Variants in LIMS1 observed in about 807,000 individuals in gnomAD.
The protein encoded by LIMS1 is LIM and senescent cell antigen-like-containing domain protein 1.
A neutral mutation model predicts 44.1 loss-of-function variants in LIMS1; 18 were observed. The observed-to-expected ratio is 0.41, with a 90% CI of 0.28 to 0.61. The LOEUF (loss-of-function observed/expected upper bound fraction) is 0.61. LIMS1 is among the 20% of genes least tolerant of loss of function. LIMS1 has a pLI of 0.32. For missense variants in LIMS1, 201 were observed against 422.0 expected (o/e 0.48, Z 4.59); for synonymous variants, 93 against 149.1 (o/e 0.62, Z 2.74).
chr2:108,601,814 G>A lies in LIMS1; in HGVS notation c.33-57791G>A, dbSNP rs554647489. Among the ~76,000 whole-genome samples the A allele has an allele frequency of 3.3e-5, 5 of 152,314 alleles. No individual in the cohort carries two copies. The South Asian group carries it at 1.0e-3, about 32-fold the overall frequency. ...TTATAGGTGTGAGCCACTGCACCCAGCCTAGAATTGTTTATTCTATTTCTG... is the reference window on the plus strand; with the variant it reads ...TTATAGGTGTGAGCCACTGCACCCAACCTAGAATTGTTTATTCTATTTCTG... On this transcript the variant is annotated intron_variant, in intron 1 of 9. Transcript: ENST00000544547.
In LIMS1 at chr2:108,676,055, C is replaced by G. The variant is rs774019872; in HGVS notation, c.681+27C>G. 2.5e-6 allele frequency: 4 copies of G among 1,592,550 alleles called. No individual in the cohort carries two copies. In the South Asian group the frequency reaches 4.5e-5, roughly 18 times the overall value. On this transcript the variant is annotated intron_variant, in intron 6 of 9. Transcript: ENST00000544547. Reference sequence around the variant, plus strand: ...TGAGTTCTAAATGGCAAAGGGTAACCAATCCTTTCAAATCTCCATGATTAA... The same window carrying G: ...TGAGTTCTAAATGGCAAAGGGTAACGAATCCTTTCAAATCTCCATGATTAA...
At chr2:108,586,830 C>G (rs1384475390) in intron 1 of LIMS1, among the ~76,000 whole-genome samples, 1 of 152,158 alleles carries the variant, frequency 6.6e-6, no homozygotes, top group African/African-American at 2.4e-5. Context: ...GGTTTATGTC[C>G]ATGACATAGG....
intron 1 of LIMS1, among the ~76,000 whole-genome samples, chr2:108,573,053 G>C (rs1227220703): frequency 6.6e-6 from 1 of 152,162 alleles, no homozygotes; most frequent in African/African-American, 2.4e-5. Flanking sequence ...CTATTGTTAA[G>C]TGACACTTCT....
intron 1 of LIMS1, among the ~76,000 whole-genome samples, chr2:108,623,515 C>A (rs796740607): frequency 6.6e-6 from 1 of 152,084 alleles, no homozygotes; most frequent in African/African-American, 2.4e-5. Flanking sequence ...TGTTATCTTG[C>A]GAATAGTGCC....
exon 10 of LIMS1, chr2:108,684,070 T>C: frequency 1.3e-6 from 1 of 754,124 alleles, no homozygotes; most frequent in East Asian, 2.7e-5. Flanking sequence ...CTACCCATAT[T>C]TAAAGCTATA....
At chr2:108,662,367 T>G in intron 2 of LIMS1, 2 of 1,473,044 alleles carry the variant, frequency 1.4e-6, no homozygotes, top group Admixed American at 2.0e-5. Context: ...CCTTGAGCAG[T>G]GAAGAATAAA....
chr2:108,557,528 T>A (rs867155125), intron 1 of LIMS1, among the ~76,000 whole-genome samples: 1 of 152,044 alleles, frequency 6.6e-6, no homozygotes, highest in Non-Finnish European at 1.5e-5. Flanking sequence ...AACTTTTTTT[T>A]TTTTGAGAGA....
intron 1 of LIMS1, chr2:108,621,212 C>T: frequency 2.1e-6 from 3 of 1,417,830 alleles, no homozygotes; most frequent in Non-Finnish European, 2.8e-6. Flanking sequence ...AGCTGTGCTT[C>T]AGCAGCTTGG....
chr2:108,651,383 G>T (rs1246242711), intron 1 of LIMS1, among the ~76,000 whole-genome samples: 25 of 152,262 alleles, frequency 1.6e-4, no homozygotes, highest in Non-Finnish European at 2.9e-4. Context: ...CAGAACGTCA[G>T]CTTCTCTTTT....
At chr2:108,587,293 TG>T (rs1686152833) in intron 1 of LIMS1, among the ~76,000 whole-genome samples, 1,015 of 90,182 alleles carry the variant, frequency 0.011, 6 homozygotes, top group African/African-American at 0.05. Flanking sequence ...TTGGGGTTTG[TG>T]TGTGTGTGTG....
intron 8 of LIMS1, among the ~76,000 whole-genome samples, chr2:108,679,171 G>A (rs1573626383): frequency 6.6e-6 from 1 of 151,722 alleles, no homozygotes; most frequent in African/African-American, 2.4e-5. Context: ...AATTAACCTA[G>A]AGATGATCTA....
intron 1 of LIMS1, among the ~76,000 whole-genome samples, chr2:108,548,032 G>A (rs1310630312): frequency 4.6e-5 from 7 of 152,178 alleles, no homozygotes; most frequent in Non-Finnish European, 7.3e-5. Flanking sequence ...TTAAAAATGG[G>A]TTCAAGAAAG....
chr2:108,673,728 A>G (rs527423870), intron 5 of LIMS1: 1 of 152,232 alleles, frequency 6.6e-6, no homozygotes, highest in Admixed American at 6.5e-5. Context: ...AAAATTAGCA[A>G]TAATCTTATA....
intron 1 of LIMS1, among the ~76,000 whole-genome samples, chr2:108,545,293 G>A (rs1271889278): frequency 6.6e-6 from 1 of 152,154 alleles, no homozygotes; most frequent in Admixed American, 6.5e-5. Context: ...GAGTGCAGTG[G>A]CTTGATGTCG....
intron 1 of LIMS1, among the ~76,000 whole-genome samples, chr2:108,556,672 C>T (rs1684933953): frequency 6.6e-6 from 1 of 152,206 alleles, no homozygotes; most frequent in South Asian, 2.1e-4. Flanking sequence ...CAGTGATCAA[C>T]TCAGTATACC....
chr2:108,672,036 A>G (rs1201819681), intron 3 of LIMS1, among the ~76,000 whole-genome samples: 2 of 152,060 alleles, frequency 1.3e-5, no homozygotes, highest in Non-Finnish European at 2.9e-5. Context: ...GCGTGGTGGC[A>G]GGAGCCTGTA....
intron 1 of LIMS1, among the ~76,000 whole-genome samples, chr2:108,609,330 G>C (rs1314382082): frequency 6.6e-6 from 1 of 152,110 alleles, no homozygotes; most frequent in African/African-American, 2.4e-5. Context: ...GCCTGGAGCT[G>C]CTTCCACAAC....
At chr2:108,562,947 G>T (rs959784560) in intron 1 of LIMS1, among the ~76,000 whole-genome samples, 1 of 152,194 alleles carries the variant, frequency 6.6e-6, no homozygotes, top group Admixed American at 6.5e-5. Flanking sequence ...ATTGAAGCCA[G>T]TGCTCATTTA....
chr2:108,668,832 C>T (rs1267004895), intron 2 of LIMS1, among the ~76,000 whole-genome samples: 2 of 152,174 alleles, frequency 1.3e-5, no homozygotes, highest in African/African-American at 4.8e-5. Flanking sequence ...AGAAATATAT[C>T]GTGCTTCATA....
Sources: gnomAD v4.1 joint callset for allele counts (sites outside exome capture counted in the v4.1 genomes callset) on GRCh38, gnomAD v4.1.1 for gene constraint, MANE v1.5 for transcripts, NCBI Gene and HGNC (gene_info 2026-07-23, HGNC 2026-07-21) for gene names.